The following GRIK1 variants were observed in gnomAD, a reference collection of about 807,000 sequenced individuals.
GRIK1 encodes glutamate ionotropic receptor kainate type subunit 1, also known as glutamate receptor ionotropic, kainate 1.
Under a neutral mutation model 105.7 loss-of-function variants are expected in GRIK1, and 69 were observed. The observed-to-expected ratio is 0.65, with a 90% CI of 0.54 to 0.80. The LOEUF (loss-of-function observed/expected upper bound fraction) is 0.80. GRIK1 is among the 30% of genes least tolerant of loss of function. The probability of loss-of-function intolerance (pLI) is 0.00; values close to 1 mark genes in which losing one functional copy is unlikely to be tolerated. For missense variants in GRIK1, 1,109 were observed against 1,167.3 expected (o/e 0.95, Z 0.73); for synonymous variants, 438 against 431.3 (o/e 1.02, Z -0.19).
chr21:29,675,988 C>T (rs976313533), intron 3 of GRIK1, among the ~76,000 whole-genome samples: 5 of 152,120 alleles, frequency 3.3e-5, no homozygotes, highest in African/African-American at 1.2e-4. Flanking sequence ...AGAGAAAGAA[C>T]ATTTCTAGAC....
intron 9 of GRIK1, among the ~76,000 whole-genome samples, chr21:29,591,554 G>C (rs1160030419): frequency 6.6e-6 from 1 of 152,018 alleles, no homozygotes; most frequent in East Asian, 1.9e-4. Flanking sequence ...TATTTGCTGA[G>C]CATCTATTTA....
At chr21:29,691,148 T>C (rs1028889641) in intron 2 of GRIK1, among the ~76,000 whole-genome samples, 4 of 151,000 alleles carry the variant, frequency 2.6e-5, no homozygotes, top group Admixed American at 2.0e-4. Context: ...CCATCTCTAA[T>C]AAAAATACAA....
intron 2 of GRIK1, 68 bp downstream of exon 2, chr21:29,693,828 A>T: frequency 8.3e-7 from 1 of 1,206,594 alleles, no homozygotes; most frequent in Non-Finnish European, 1.2e-6. Flanking sequence ...GGCAGGTAGC[A>T]AAAAGAAGGT....
intron 4 of GRIK1, among the ~76,000 whole-genome samples, chr21:29,661,817 A>G (rs2062969039): frequency 6.6e-6 from 1 of 152,192 alleles, no homozygotes; most frequent in East Asian, 1.9e-4. Flanking sequence ...AAGAGGAAAA[A>G]TTGACTTTTT....
chr21:29,545,301 T>C (rs1397991079), intron 16 of GRIK1, among the ~76,000 whole-genome samples: 4 of 152,162 alleles, frequency 2.6e-5, no homozygotes, highest in Admixed American at 2.6e-4. Flanking sequence ...AATGTGGGTT[T>C]GTCCTTCAAT....
chr21:29,933,960 C>G (rs912853303), intron 1 of GRIK1, among the ~76,000 whole-genome samples: 5 of 78,884 alleles, frequency 6.3e-5, no homozygotes, highest in East Asian at 6.5e-4. Flanking sequence ...ATCTCCACTA[C>G]TCTTTCCTCT....
intron 1 of GRIK1, among the ~76,000 whole-genome samples, chr21:29,811,692 T>C (rs1272499284): frequency 6.6e-6 from 1 of 152,134 alleles, no homozygotes; most frequent in Non-Finnish European, 1.5e-5. Context: ...ATCTTGCTCA[T>C]CCTCACTCAA....
chr21:29,930,974 G>A (rs1336264270), intron 1 of GRIK1, among the ~76,000 whole-genome samples: 1 of 152,110 alleles, frequency 6.6e-6, no homozygotes, highest in African/African-American at 2.4e-5. Context: ...CCTTGACATG[G>A]GTTGAATCTT....
At chr21:29,793,656 G>T (rs968645079) in intron 1 of GRIK1, among the ~76,000 whole-genome samples, 1 of 152,060 alleles carries the variant, frequency 6.6e-6, no homozygotes, top group Non-Finnish European at 1.5e-5. Context: ...GACCATCACC[G>T]GCTAGCTAAA....
At chr21:29,553,189 G>C in intron 16 of GRIK1, 1 of 984,046 alleles carries the variant, frequency 1.0e-6, no homozygotes. Flanking sequence ...ATGAAAAGAA[G>C]TCCATAGAAT....
rs189192941 is a variant in GRIK1, at chr21:29,777,515, A to T, written c.119-83452T>A. On this transcript the variant is annotated intron_variant, in intron 1 of 17. Transcript: ENST00000327783. ...ATTGGAGAGGGTTTGGGGTATGGATAACAGCATTGAAAAGGCCCAAGTCAA... is the reference window on the plus strand; with the variant it reads ...ATTGGAGAGGGTTTGGGGTATGGATTACAGCATTGAAAAGGCCCAAGTCAA... 7.5e-4 allele frequency among the ~76,000 whole-genome samples: 114 copies of T among 152,328 alleles called. 1 individual carries two copies. The highest frequency in any genetic ancestry group is 4.2e-3 in the Admixed American group (64 of 15,306).
intron 1 of GRIK1, among the ~76,000 whole-genome samples, chr21:29,898,358 G>C (rs1286691103): frequency 6.6e-6 from 1 of 152,158 alleles, no homozygotes; most frequent in Admixed American, 6.5e-5. Flanking sequence ...TGTGGGTGAG[G>C]AAATACACCA....
intron 4 of GRIK1, among the ~76,000 whole-genome samples, chr21:29,672,703 T>G (rs977387268): frequency 6.6e-6 from 1 of 152,124 alleles, no homozygotes. Flanking sequence ...CTCAAAATGA[T>G]GTCCTTCTCT....
At chr21:29,851,823 A>T (rs1385284212) in intron 1 of GRIK1, among the ~76,000 whole-genome samples, 1 of 152,192 alleles carries the variant, frequency 6.6e-6, no homozygotes, top group Non-Finnish European at 1.5e-5. Context: ...ATAAATCTTG[A>T]TGTCACCCCT....
At chr21:29,645,535 G>T (rs2062600841) in intron 6 of GRIK1, among the ~76,000 whole-genome samples, 1 of 152,104 alleles carries the variant, frequency 6.6e-6, no homozygotes, top group Admixed American at 6.5e-5. Flanking sequence ...AAAATTATAG[G>T]TCTAATTTGT....
At chr21:29,764,879 T>C (rs2065618202) in intron 1 of GRIK1, among the ~76,000 whole-genome samples, 1 of 152,192 alleles carries the variant, frequency 6.6e-6, no homozygotes, top group Admixed American at 6.5e-5. Context: ...ATACTGGAAC[T>C]TAGAGATATT....
At chr21:29,693,000 A>G (rs1397097275) in intron 2 of GRIK1, among the ~76,000 whole-genome samples, 1 of 152,252 alleles carries the variant, frequency 6.6e-6, no homozygotes, top group Non-Finnish European at 1.5e-5. Context: ...GATTAATTCT[A>G]CATGGAAACA....
chr21:29,767,832 T>TTG (rs138323886), intron 1 of GRIK1, among the ~76,000 whole-genome samples: 2 of 146,022 alleles, frequency 1.4e-5, no homozygotes, highest in Admixed American at 6.7e-5. Context: ...GTGTGTGTGT[T>TTG]TGTGTGTGTG....
At chr21:29,663,037 C>T (rs1601401082) in intron 4 of GRIK1, among the ~76,000 whole-genome samples, 4 of 152,106 alleles carry the variant, frequency 2.6e-5, no homozygotes, top group Admixed American at 6.5e-5. Context: ...TGCCACAACA[C>T]GATGTTCACT....
Sources: gnomAD v4.1 joint callset for allele counts (sites outside exome capture counted in the v4.1 genomes callset) on GRCh38, gnomAD v4.1.1 for gene constraint, MANE v1.5 for transcripts, NCBI Gene and HGNC (gene_info 2026-07-23, HGNC 2026-07-21) for gene names.